The following CLVS1 variants were observed in gnomAD, a reference collection of about 807,000 sequenced individuals.
The protein encoded by CLVS1 is clavesin-1.
CLVS1 carries 10 observed loss-of-function variants against 33.1 expected under a neutral mutation model. That is an observed-to-expected ratio of 0.30 (90% confidence interval 0.19 to 0.51). The LOEUF is 0.51. Among genes scored for constraint, CLVS1 ranks in the 20% least tolerant of loss-of-function variants. The probability of loss-of-function intolerance (pLI) is 0.97; values close to 1 mark genes in which losing one functional copy is unlikely to be tolerated. For synonymous variants in CLVS1, 163 were observed against 166.1 expected (o/e 0.98, Z 0.14); for missense variants, 343 against 433.4 (o/e 0.79, Z 1.85).
intron 2 of CLVS1, among the ~76,000 whole-genome samples, chr8:61,244,556 T>A (rs978058835): frequency 1.3e-5 from 2 of 152,204 alleles, no homozygotes; most frequent in Non-Finnish European, 2.9e-5. Context: ...GTTTTATTAG[T>A]TGCTGAGAGA....
intron 3 of CLVS1, among the ~76,000 whole-genome samples, chr8:61,407,263 C>T (rs1483874818): frequency 2.6e-5 from 4 of 152,176 alleles, no homozygotes; most frequent in Non-Finnish European, 5.9e-5. Context: ...CCTTTCAAAG[C>T]CTGGTCCATC....
At chr8:61,407,235 C>T (rs374683509) in intron 3 of CLVS1, among the ~76,000 whole-genome samples, 32 of 152,172 alleles carry the variant, frequency 2.1e-4, no homozygotes, top group African/African-American at 2.7e-4. Flanking sequence ...CCTAAACACA[C>T]GGTAGATATT....
the CLVS1 span, among the ~76,000 whole-genome samples, chr8:60,993,616 T>C: frequency 6.6e-6 from 1 of 152,212 alleles, no homozygotes; most frequent in Non-Finnish European, 1.5e-5. Flanking sequence ...TGCTTGATAG[T>C]TGGCCCCTCT....
chr8:61,395,028 G>A (rs992551196), intron 3 of CLVS1, among the ~76,000 whole-genome samples: 1 of 152,062 alleles, frequency 6.6e-6, no homozygotes, highest in Non-Finnish European at 1.5e-5. Flanking sequence ...TTTACCAATT[G>A]TTTTCTTGCT....
At chr8:61,324,566 C>T (rs1371421989) in intron 2 of CLVS1, among the ~76,000 whole-genome samples, 1 of 152,020 alleles carries the variant, frequency 6.6e-6, no homozygotes, top group Non-Finnish European at 1.5e-5. Flanking sequence ...GTGGAAGTGA[C>T]TTTGGAACTG....
At chr8:61,401,092 G>T (rs777273667) in intron 3 of CLVS1, among the ~76,000 whole-genome samples, 1 of 151,220 alleles carries the variant, frequency 6.6e-6, no homozygotes, top group Non-Finnish European at 1.5e-5. Context: ...CTAGTGTATT[G>T]AAATACACTT....
intron 2 of CLVS1, among the ~76,000 whole-genome samples, chr8:61,209,573 G>C (rs909521224): frequency 4.6e-5 from 7 of 152,232 alleles, no homozygotes; most frequent in African/African-American, 1.7e-4. Flanking sequence ...TTGACTTTGT[G>C]TTGTCTGAAT....
At chr8:61,018,714 A>G in the CLVS1 span, among the ~76,000 whole-genome samples, 1 of 152,182 alleles carries the variant, frequency 6.6e-6, no homozygotes, top group Admixed American at 6.5e-5. Context: ...ATCATCTTTG[A>G]GATCAGGCGG....
At chr8:61,158,218 C>G (rs951245550) in intron 2 of CLVS1, among the ~76,000 whole-genome samples, 1 of 152,188 alleles carries the variant, frequency 6.6e-6, no homozygotes, top group African/African-American at 2.4e-5. Flanking sequence ...TCCCCCATCC[C>G]TAAACTACAT....
intron 3 of CLVS1, among the ~76,000 whole-genome samples, chr8:61,450,874 T>G (rs1342936114): frequency 6.6e-6 from 1 of 152,208 alleles, no homozygotes; most frequent in Non-Finnish European, 1.5e-5. Context: ...ACATGGTAGA[T>G]TTTACTTTCT....
At chr8:61,157,847 C>T (rs1195556237) in intron 2 of CLVS1, among the ~76,000 whole-genome samples, 1 of 151,988 alleles carries the variant, frequency 6.6e-6, no homozygotes, top group Admixed American at 6.6e-5. Context: ...CAACTACACA[C>T]CCACTATAAT....
chr8:61,395,477 A>C lies in CLVS1; in HGVS notation c.630+18698A>C, dbSNP rs567606314. ...TTAACATTCTCACCACACACACACA[A>C]AAATGATAAATCATTGAGGTGATGG... On this transcript the variant is annotated intron_variant, in intron 3 of 5. Coordinates refer to ENST00000325897, the MANE Select transcript of CLVS1 (RefSeq NM_173519.3). 2.2e-3 allele frequency among the ~76,000 whole-genome samples: 330 copies of C among 152,356 alleles called. 2 individuals are homozygous for C. The highest frequency in any genetic ancestry group is 7.7e-3 in the African/African-American group (319 of 41,582).
At chr8:61,031,249 G>A in the CLVS1 span, among the ~76,000 whole-genome samples, 2 of 152,200 alleles carry the variant, frequency 1.3e-5, no homozygotes, top group African/African-American at 4.8e-5. Flanking sequence ...CAGGGAAGTA[G>A]AGGACACACA....
the CLVS1 span, among the ~76,000 whole-genome samples, chr8:60,992,524 G>A: frequency 2.6e-5 from 4 of 152,184 alleles, no homozygotes; most frequent in East Asian, 1.9e-4. Context: ...GGTCTCCCTC[G>A]AATCAATGTA....
At chr8:61,487,573 T>C (rs1333686739) in intron 5 of CLVS1, among the ~76,000 whole-genome samples, 1 of 152,244 alleles carries the variant, frequency 6.6e-6, no homozygotes, top group Non-Finnish European at 1.5e-5. Context: ...CTTAAACTAC[T>C]ATTTTGGATG....
chr8:61,107,267 A>G (rs1805553923), intron 1 of CLVS1, among the ~76,000 whole-genome samples: 2 of 152,210 alleles, frequency 1.3e-5, no homozygotes, highest in African/African-American at 2.4e-5. Flanking sequence ...GAACTGAATA[A>G]TGTTCTTAGT....
chr8:61,445,499 C>G (rs1301035226), intron 3 of CLVS1, among the ~76,000 whole-genome samples: 1 of 152,164 alleles, frequency 6.6e-6, no homozygotes, highest in Non-Finnish European at 1.5e-5. Flanking sequence ...ATACCTGCTC[C>G]CCTTCACCTT....
chr8:60,981,737 C>G, the CLVS1 span, among the ~76,000 whole-genome samples: 2 of 152,198 alleles, frequency 1.3e-5, no homozygotes, highest in African/African-American at 4.8e-5. Flanking sequence ...TACAGAGGAA[C>G]AGCAGCTTGA....
the CLVS1 span, among the ~76,000 whole-genome samples, chr8:60,999,990 G>A: frequency 6.6e-5 from 10 of 152,342 alleles, no homozygotes; most frequent in East Asian, 1.9e-3. Context: ...TCAGACAGAT[G>A]GAGTTGGCTT....
Sources: gnomAD v4.1 joint callset for allele counts (sites outside exome capture counted in the v4.1 genomes callset) on GRCh38, gnomAD v4.1.1 for gene constraint, MANE v1.5 for transcripts, NCBI Gene and HGNC (gene_info 2026-07-23, HGNC 2026-07-21) for gene names.